LAMA5: variants seen among roughly 807,000 people sequenced by gnomAD.
The protein encoded by LAMA5 is laminin subunit alpha-5.
A neutral mutation model predicts 433.4 loss-of-function variants in LAMA5; 260 were observed. The observed-to-expected ratio is 0.60, with a 90% CI of 0.54 to 0.66. LAMA5 has a LOEUF of 0.66. Among genes scored for constraint, LAMA5 ranks in the 30% least tolerant of loss-of-function variants. LAMA5 has a pLI of 0.00. For synonymous variants in LAMA5, 2,620 were observed against 2,226.6 expected (o/e 1.18, Z -4.97); for missense variants, 5,378 against 5,258.5 (o/e 1.02, Z -0.70).
chr20:62,320,760 G>T lies in LAMA5; in HGVS notation c.6627C>A (p.Asn2209Lys). 2 of 1,612,686 alleles carry T rather than the reference G, an allele frequency of 1.2e-6. No individual in the cohort carries two copies. The highest frequency in any genetic ancestry group is 1.7e-6 in the Non-Finnish European group (2 of 1,179,908). The change falls in exon 49 of 80, where the codon AAC (asparagine) becomes AAA (lysine). Residue 2209 changes from asparagine (N) to lysine (K), a missense_variant. Coordinates refer to ENST00000252999, the MANE Select transcript of LAMA5 (RefSeq NM_005560.6). ...GTACCTGCAGGTCAGCGATGGAGGCGTTCAGCCTGTGCAGACGGGCCCAGG... is the reference window on the plus strand; with the variant it reads ...GTACCTGCAGGTCAGCGATGGAGGCTTTCAGCCTGTGCAGACGGGCCCAGG... ...SMAWARLHRL[N>K]ASIADLQSQL...
rs1311662816 is a variant in LAMA5 at position 62,329,248 on chromosome 20, A to G, written c.4125T>C (p.Tyr1375=). The G allele has an allele frequency of 1.9e-6, 3 of 1,610,526 alleles. No homozygotes were observed. Among genetic ancestry groups the G allele is most frequent in the Non-Finnish European group, 2.5e-6 (3 of 1,178,038 alleles). Residue 1375 remains tyrosine, a synonymous_variant, in exon 33 of 80, where the codon TAT becomes TAC. Coordinates refer to ENST00000252999, the MANE Select transcript of LAMA5 (RefSeq NM_005560.6). ...VPKGRWLWLD[Y]VLVVPENVYS... is the part of the protein sequence containing the mutation. ...AGACGTTCTCAGGGACCACGAGTACATAATCCTAGGGGGTGAGGCCTGGTC... is the reference window on the plus strand; with the variant it reads ...AGACGTTCTCAGGGACCACGAGTACGTAATCCTAGGGGGTGAGGCCTGGTC...
Position 62,324,302 on chromosome 20 carries a change from A to T in LAMA5, c.5644-98T>A, listed in dbSNP as rs1354761297. The T allele has an allele frequency of 6.7e-7, 1 of 1,500,288 alleles. No homozygotes were observed. Among genetic ancestry groups the T allele is most frequent in the Non-Finnish European group, 9.0e-7 (1 of 1,108,548 alleles). 92.9% of individuals were successfully genotyped at this position (1,500,288 alleles called of 1,614,324 possible). A position where few individuals can be genotyped will look rare whatever the true frequency, so the allele number is the denominator to read the frequency against. On this transcript the variant is annotated intron_variant, in intron 42 of 79. Coordinates refer to ENST00000252999, the MANE Select transcript of LAMA5 (RefSeq NM_005560.6). The surrounding 1 kb of genome is among the most constrained non-coding windows in gnomAD (Gnocchi z 4.4). ...ACCCCTGCCTCAGACTCTGTGCCCA[A>T]GGCCAGATGGTCCCCCACTGGGCAA...
chr20:62,311,994 C>T lies in LAMA5; in HGVS notation c.9561G>A (p.Arg3187=). The change falls in exon 70 of 80, where the codon AGG becomes AGA. Residue 3187 remains arginine, a synonymous_variant. Coordinates refer to ENST00000252999, the MANE Select transcript of LAMA5 (RefSeq NM_005560.6). ...QQGRVSLQLL[R]TEVKTQAGFA... ...AGCCCGCTTGAGTTTTCACTTCAGT[C>T]CTCAGGAGCTGTAGGCTCACACGGC... is the stretch of plus-strand genomic sequence containing the variant. 1 of 1,612,744 alleles carries T rather than the reference C, an allele frequency of 6.2e-7. No individual in the cohort carries two copies. The highest frequency in any genetic ancestry group is 8.5e-7 in the Non-Finnish European group (1 of 1,179,918).
rs1218712504 is a variant in LAMA5 at position 62,322,304 on chromosome 20, G to C, written c.6311C>G (p.Pro2104Arg). The change falls in exon 47 of 80, where the codon CCT becomes CGT. Residue 2104 changes from proline to arginine, a missense_variant. Pro to Arg is a moderately radical substitution (Grantham distance 103). Transcript: ENST00000252999. ...CTGCTCAGGGAGCCCCCAGTAGCCA[G>C]GGGCACACTCGCGGCACTGGGGTCC... ...TMGPQCRECA[P>R]GYWGLPEQGC... 8 of 1,600,998 alleles carry C rather than the reference G, an allele frequency of 5.0e-6. No homozygotes were observed. Among genetic ancestry groups the C allele is most frequent in the Non-Finnish European group, 6.8e-6 (8 of 1,176,104 alleles).
At chr20:62,354,074 T>A (rs1290370532) in intron 2 of LAMA5, among the ~76,000 whole-genome samples, 1 of 152,086 alleles carries the variant, frequency 6.6e-6, no homozygotes, top group East Asian at 1.9e-4. Context: ...AGCCCCACCT[T>A]GGCTCTGCCT....
At chr20:62,321,029 G>C in intron 48 of LAMA5, 139 bp from the exon 49 acceptor site, 1 of 912,528 alleles carries the variant, frequency 1.1e-6, no homozygotes, top group East Asian at 2.6e-5. Flanking sequence ...AGGACCTGTG[G>C]GGAGGTCCCA....
chr20:62,312,356 G>C (rs1164241030), intron 68 of LAMA5, 40 bp from the exon 69 acceptor site: 1 of 1,602,062 alleles, frequency 6.2e-7, no homozygotes, highest in Non-Finnish European at 8.5e-7. Context: ...GGGTGCCCCT[G>C]CATGTCCACA....
At chr20:62,332,264 G>T in intron 28 of LAMA5, 108 bp downstream of exon 28, 1 of 769,444 alleles carries the variant, frequency 1.3e-6, no homozygotes, top group Non-Finnish European at 2.2e-6. Context: ...GAGCGAGTGT[G>T]GCCGCCTTGG....
Position 62,367,241 on chromosome 20 carries a change from G to T in LAMA5, c.5C>A (p.Ala2Glu). The change falls in exon 1 of 80, where the codon GCG (alanine) becomes GAG (glutamate). Residue 2 changes from alanine (A) to glutamate (E), a missense_variant. By Grantham distance (107) the Ala-to-Glu change is moderately radical. Coordinates refer to ENST00000252999, the MANE Select transcript of LAMA5 (RefSeq NM_005560.6). M[A>E]KRLCAGSALC... is the part of the protein sequence containing the mutation. The stretch of plus-strand genomic sequence containing the variant: ...TGCGCTCCCCGCGCAGAGCCGCTTC[G>T]CCATCTTCCCGGCTCCGGGCCGCGT... The T allele has an allele frequency of 8.5e-7, 1 of 1,183,236 alleles. No homozygotes were observed. The highest frequency in any genetic ancestry group is 1.0e-6 in the Non-Finnish European group (1 of 958,844). The allele number at this position is 1,183,236 out of a possible 1,614,324, so 73.3% of individuals were successfully genotyped here.
At chr20:62,318,779 C>T (rs1987331133) in intron 52 of LAMA5, 64 bp downstream of exon 52, 2 of 1,585,770 alleles carry the variant, frequency 1.3e-6, no homozygotes, top group East Asian at 2.3e-5. Flanking sequence ...ATGCTGACCT[C>T]CCCCTTGGAG....
rs560624026 is a variant in LAMA5 at position 62,327,403 on chromosome 20, C to T, written c.4942G>A (p.Val1648Met). 26 of 1,587,798 alleles carry T rather than the reference C, an allele frequency of 1.6e-5. No homozygotes were observed. The highest frequency in any genetic ancestry group is 1.3e-4 in the South Asian group (11 of 87,250). ...RSSSYTRQEFVDMEGWVLLST... is the reference protein window; with the variant it reads ...RSSSYTRQEFMDMEGWVLLST... ...AGCAGCACCCATCCCTCCATATCCA[C>T]GAACTGTGGGCACACACGTGTGGCT... Residue 1648 changes from valine (V) to methionine (M), a missense_variant, in exon 38 of 80, where the codon GTG (valine) becomes ATG (methionine). Val to Met is a conservative substitution (Grantham distance 21). Coordinates refer to ENST00000252999, the MANE Select transcript of LAMA5 (RefSeq NM_005560.6).
At chr20:62,310,387 T>G in intron 76 of LAMA5, 32 bp downstream of exon 76, 1 of 1,577,736 alleles carries the variant, frequency 6.3e-7, no homozygotes. Flanking sequence ...TGCCCTGCCC[T>G]GCTGAGGCCT....
Position 62,327,570 on chromosome 20 carries a change from C to T in LAMA5, c.4897G>A (p.Ala1633Thr), listed in dbSNP as rs1235384284. Reference sequence around the variant, plus strand: ...GACGAGCTCCGGCAGCGCTCCGTGGCCCCAAAGCAGAAGCAGCGGGTGCAA... The same window carrying T: ...GACGAGCTCCGGCAGCGCTCCGTGGTCCCAAAGCAGAAGCAGCGGGTGCAA... ...KGCTRCFCFG[A>T]TERCRSSSYT... is the part of the protein sequence containing the mutation. The change falls in exon 37 of 80, where the codon GCC becomes ACC. Residue 1633 changes from alanine to threonine, a missense_variant. Ala to Thr is a moderately conservative substitution (Grantham distance 58, BLOSUM62 0). Coordinates refer to ENST00000252999, the MANE Select transcript of LAMA5 (RefSeq NM_005560.6). The T allele has an allele frequency of 3.7e-6, 6 of 1,612,790 alleles. No homozygotes were observed. Among genetic ancestry groups the T allele is most frequent in the Non-Finnish European group, 5.1e-6 (6 of 1,180,010 alleles).
At position 62,346,066 on chromosome 20, in the gene LAMA5, CT is replaced by C. The variant is rs1219755422; in HGVS notation, c.1417+14del. 7.4e-6 allele frequency: 12 copies of C among 1,612,722 alleles called. No homozygotes were observed. In the African/African-American group the frequency reaches 1.6e-4, roughly 22 times the overall value. On this transcript the variant is annotated intron_variant, in intron 10 of 79. Transcript: ENST00000252999. The stretch of plus-strand genomic sequence containing the variant: ...GGCAGTGGTGTCTGTTTGGATGCCC[CT>C]GGCAGGTGCTCACGGTAGCAGCTTG...
At chr20:62,319,517 C>T (rs542264690) in intron 51 of LAMA5, among the ~76,000 whole-genome samples, 167 bp downstream of exon 51, 219 of 152,288 alleles carry the variant, frequency 1.4e-3, no homozygotes, top group Middle Eastern at 3.4e-3. Context: ...ACGGCTGTGT[C>T]GCCGACCTCC....
At position 62,346,580 on chromosome 20, in the gene LAMA5, A is replaced by T. The variant is rs1457548708; in HGVS notation, c.1208T>A (p.Val403Asp). 6.3e-7 allele frequency: 1 copy of T among 1,589,068 alleles called. No individual in the cohort carries two copies. Among genetic ancestry groups the T allele is most frequent in the Non-Finnish European group, 8.6e-7 (1 of 1,167,984 alleles). The change falls in exon 9 of 80, where the codon GTC becomes GAC. Residue 403 changes from valine (V) to aspartate (D), a missense_variant. Transcript: ENST00000252999. ...GCCGGGCAGGCAGCGCTCACAGTTG[A>T]CGCCGGTGGTGTGGTGCTGGGAGTG... ...CIDCQHHTTG[V>D]NCERCLPGFY...
At position 62,332,681 on chromosome 20, in the gene LAMA5, C is replaced by A; in HGVS notation, c.3319G>T (p.Gly1107Cys). Residue 1107 changes from glycine (G) to cysteine (C), a missense_variant, in exon 27 of 80, where the codon GGC (glycine) becomes TGC (cysteine). By Grantham distance (159) the Gly-to-Cys change is radical (BLOSUM62 -3). Transcript: ENST00000252999. The stretch of plus-strand genomic sequence containing the variant: ...TACTCCACCACTAGGGCATAGCGGC[C>A]TGGCTGTGGCACTGCCACTTGAAGC... ...VQLQVAVPQP[G>C]RYALVVEYAN... The A allele has an allele frequency of 6.2e-7, 1 of 1,611,008 alleles. No individual in the cohort carries two copies. Among genetic ancestry groups the A allele is most frequent in the Non-Finnish European group, 8.5e-7 (1 of 1,179,240 alleles).
chr20:62,313,852 G>T, intron 62 of LAMA5, 50 bp from the exon 63 acceptor site: 1 of 1,548,462 alleles, frequency 6.5e-7, no homozygotes, highest in Non-Finnish European at 8.8e-7. Context: ...GATGAGGGGT[G>T]GCGAGTGGGC....
intron 6 of LAMA5, among the ~76,000 whole-genome samples, chr20:62,350,039 A>T (rs990118766): frequency 6.6e-6 from 1 of 151,700 alleles, no homozygotes; most frequent in Non-Finnish European, 1.5e-5. Flanking sequence ...GGTCCTGGTA[A>T]CAGAGGCTGT....
Sources: allele counts gnomAD v4.1 joint callset (sites outside exome capture counted in the v4.1 genomes callset), GRCh38; gene constraint gnomAD v4.1.1; non-coding constraint Gnocchi (gnomAD v3.1); transcripts MANE v1.5; gene names NCBI Gene and HGNC (gene_info 2026-07-23, HGNC 2026-07-21).